Variants in TFEB observed in about 807,000 individuals in gnomAD.
TFEB encodes T-cell transcription factor EB.
Under a neutral mutation model 48.0 loss-of-function variants are expected in TFEB, and 12 were observed. The ratio of observed to expected loss-of-function variants is 0.25; its 90% confidence interval spans 0.16 to 0.40. The LOEUF is 0.40. Among genes scored for constraint, TFEB ranks in the 10% least tolerant of loss-of-function variants. The pLI, the probability that TFEB is intolerant of heterozygous loss-of-function variation, is 1.00. For synonymous variants in TFEB, 244 were observed against 261.4 expected, an observed-to-expected ratio of 0.93 and a Z score of 0.64; for missense variants, 509 against 640.3, an observed-to-expected ratio of 0.79 and a Z score of 2.21.
chr6:41,704,140 T>C lies in TFEB; in HGVS notation c.-22-12905A>G, dbSNP rs368083886. 1.2e-3 allele frequency among the ~76,000 whole-genome samples: 189 copies of C among 152,210 alleles called. 7 individuals are homozygous for C. In the South Asian group the frequency reaches 0.037, roughly 29 times the overall value. On this transcript the variant is annotated intron_variant, in intron 1 of 8. Coordinates refer to ENST00000373033, the MANE Select transcript of TFEB (RefSeq NM_001271944.2). ...CCCTCCTTCCCCTCAAGATATCCTT[T>C]CCATCCAAAACCACCCAGGACTACC...
intron 8 of TFEB, 151 bp from the exon 9 acceptor site, chr6:41,685,229 T>A: frequency 9.4e-7 from 1 of 1,066,378 alleles, no homozygotes; most frequent in Non-Finnish European, 1.2e-6. Context: ...AGGGTAGCTC[T>A]AGAGTCTAGA....
Position 41,684,641 on chromosome 6 carries a change from G to A in TFEB, c.1389C>T (p.Ser463=). 2 of 1,608,910 alleles carry A rather than the reference G, an allele frequency of 1.2e-6. No individual in the cohort carries two copies. The highest frequency in any genetic ancestry group is 2.2e-5 in the South Asian group (2 of 90,320). ...TMSPEASKAS[S]RRSSFSMEEG... ...CCTCCATGCTGAAGCTGCTCCGGCG[G>A]CTGCTGGCCTTGGAGGCCTCGGGGG... The change falls in exon 9 of 9, where the codon AGC becomes AGT. Residue 463 remains serine, a synonymous_variant. Transcript: ENST00000373033.
intron 7 of TFEB, chr6:41,686,487 A>T: frequency 2.9e-6 from 1 of 342,516 alleles, no homozygotes; most frequent in East Asian, 4.5e-5. Context: ...GACTACCAAG[A>T]CTCCAGCCCA....
intron 1 of TFEB, 83 bp downstream of exon 1, chr6:41,735,267 G>A: frequency 2.0e-6 from 2 of 975,942 alleles, no homozygotes; most frequent in Non-Finnish European, 2.4e-6. Flanking sequence ...ACCTGTCTCC[G>A]GGACCCACGG....
intron 4 of TFEB, chr6:41,688,245 G>A (rs945828374): frequency 3.8e-6 from 2 of 530,566 alleles, no homozygotes; most frequent in Non-Finnish European, 6.6e-6. Flanking sequence ...CTGGCCTAGA[G>A]TGTCTGAGAG....
rs767293001 is a variant in TFEB at position 41,690,840 on chromosome 6, G to A, written c.291C>T (p.Ser97=). The change falls in exon 3 of 9, where the codon TCC becomes TCT. Residue 97 remains serine, a synonymous_variant. Transcript: ENST00000373033. ...CAGCAAACTTGTTCCCATAGGTCTC[G>A]GACAGGTACTCCCGCACCTTCTGAT... ...SQHQKVREYL[S]ETYGNKFAAH... is the part of the protein sequence containing the mutation. The A allele has an allele frequency of 1.2e-5, 19 of 1,612,836 alleles. No homozygotes were observed. The highest frequency in any genetic ancestry group is 6.7e-5 in the African/African-American group (5 of 74,906).
chr6:41,688,148 C>T, intron 4 of TFEB, 120 bp from the exon 5 acceptor site: 1 of 1,285,952 alleles, frequency 7.8e-7, no homozygotes, highest in South Asian at 1.5e-5. Flanking sequence ...CAAAATTCAC[C>T]TTGGGCCCTT....
chr6:41,699,815 C>T (rs1469200179), intron 1 of TFEB, among the ~76,000 whole-genome samples: 5 of 152,334 alleles, frequency 3.3e-5, no homozygotes, highest in Admixed American at 2.0e-4. Flanking sequence ...CAATGGGACA[C>T]GCACATGCTT....
intron 1 of TFEB, among the ~76,000 whole-genome samples, chr6:41,703,271 TG>T (rs751457742): frequency 6.6e-6 from 1 of 152,226 alleles, no homozygotes; most frequent in Non-Finnish European, 1.5e-5. Context: ...GAGCAGCTTC[TG>T]GCTCCTGGTC....
rs1238997128 is a variant in TFEB at position 41,684,742 on chromosome 6, T to C, written c.1288A>G (p.Lys430Glu). 1 of 1,613,572 alleles carries C rather than the reference T, an allele frequency of 6.2e-7. No homozygotes were observed. The highest frequency in any genetic ancestry group is 2.2e-5 in the East Asian group (1 of 44,836). The stretch of plus-strand genomic sequence containing the variant: ...AGGAGCATGAGGTCCAGATCCTTCT[T>C]GGACAGGCTGGGGAATGGGGAGCCA... Reference protein sequence around the residue: ...GHGSPFPSLSKKDLDLMLLDD... With the variant: ...GHGSPFPSLSEKDLDLMLLDD... Residue 430 changes from lysine (K) to glutamate (E), a missense_variant, in exon 9 of 9, where the codon AAG becomes GAG. Physicochemically the swap from Lys to Glu is moderately conservative, Grantham distance 56 (BLOSUM62 1). This residue lies in a region of TFEB where 168 missense variants were observed against 161.0 expected (regional missense o/e 1.04). Coordinates refer to ENST00000373033, the MANE Select transcript of TFEB (RefSeq NM_001271944.2).
intron 1 of TFEB, among the ~76,000 whole-genome samples, chr6:41,693,155 C>G (rs960600738): frequency 3.3e-5 from 5 of 152,096 alleles, no homozygotes; most frequent in African/African-American, 1.2e-4. Context: ...GAGGCCCAGA[C>G]CTCAGGGGAT....
intron 1 of TFEB, among the ~76,000 whole-genome samples, chr6:41,721,313 A>G (rs60278016): frequency 0.043 from 6,584 of 151,948 alleles, 470 homozygotes; most frequent in African/African-American, 0.15. Flanking sequence ...ATGCAGTGGC[A>G]CCAAAGTTTT....
chr6:41,697,051 C>T (rs971589557), intron 1 of TFEB, among the ~76,000 whole-genome samples: 1 of 152,126 alleles, frequency 6.6e-6, no homozygotes, highest in African/African-American at 2.4e-5. Flanking sequence ...TGTACAGCTG[C>T]TCCCTTACAA....
rs1293946508 is a variant in TFEB at position 41,723,341 on chromosome 6, C to G, written c.-23+12009G>C. 4 of 617,862 alleles carry G rather than the reference C, an allele frequency of 6.5e-6. No homozygotes were observed. In the Admixed American group the frequency reaches 9.6e-5, roughly 15 times the overall value. The allele number at this position is 617,862 out of a possible 1,614,324, so 38.3% of individuals were successfully genotyped here. On this transcript the variant is annotated intron_variant, in intron 1 of 8. Coordinates refer to ENST00000373033, the MANE Select transcript of TFEB (RefSeq NM_001271944.2). This position sits in a 1 kb window ranked among gnomAD's most constrained non-coding sequence, Gnocchi z 6.0. ...CTACCCACCCACCTCCCCAAAGACA[C>G]CACACGCATGCACATACACTCACAC...
intron 1 of TFEB, chr6:41,735,032 G>A (rs1771620400): frequency 1.1e-5 from 11 of 985,194 alleles, no homozygotes; most frequent in African/African-American, 1.7e-5. Flanking sequence ...TCCCAGCTCC[G>A]GGCCGGGAAG....
Position 41,734,940 on chromosome 6 carries a change from C to G in TFEB, c.-23+410G>C. ...AGGCATCGCCGGCCCCAGCCGTGTC[C>G]GGTGGAGGGGGAGTGGGCGCGGGGC... is the stretch of plus-strand genomic sequence containing the variant. On this transcript the variant is annotated intron_variant, in intron 1 of 8. Coordinates refer to ENST00000373033, the MANE Select transcript of TFEB (RefSeq NM_001271944.2). This position sits in a 1 kb window ranked among gnomAD's most constrained non-coding sequence, Gnocchi z 4.0. 1 of 985,432 alleles carries G rather than the reference C, an allele frequency of 1.0e-6. No homozygotes were observed. The highest frequency in any genetic ancestry group is 1.2e-6 in the Non-Finnish European group (1 of 829,966). The allele number at this position is 985,432 out of a possible 1,614,324, so 61.0% of individuals were successfully genotyped here. A position where few individuals can be genotyped will look rare whatever the true frequency, so the allele number is the denominator to read the frequency against.
Position 41,690,760 on chromosome 6 carries a change from C to A in TFEB, c.371G>T (p.Gly124Val). ...SPKPPPAASP[G>V]VRAGHVLSSS... ...GGACAGCACGTGTCCAGCTCGCACC[C>A]CTGGGGAGGCGGCTGGTGGGGGTTT... The change falls in exon 3 of 9, where the codon GGG (glycine) becomes GTG (valine). Residue 124 changes from glycine (G) to valine (V), a missense_variant. Gly to Val is a moderately radical substitution (Grantham distance 109). Coordinates refer to ENST00000373033, the MANE Select transcript of TFEB (RefSeq NM_001271944.2). The A allele has an allele frequency of 2.5e-6, 4 of 1,610,162 alleles. No homozygotes were observed. Among genetic ancestry groups the A allele is most frequent in the Non-Finnish European group, 3.4e-6 (4 of 1,177,754 alleles).
At chr6:41,692,887 TA>T (rs1239837014) in intron 1 of TFEB, among the ~76,000 whole-genome samples, 1 of 152,130 alleles carries the variant, frequency 6.6e-6, no homozygotes, top group Non-Finnish European at 1.5e-5. Context: ...ACTGAGAAAA[TA>T]TGGGCTTGAA....
intron 1 of TFEB, among the ~76,000 whole-genome samples, chr6:41,694,426 G>A (rs527762658): frequency 6.6e-6 from 1 of 152,254 alleles, no homozygotes; most frequent in South Asian, 2.1e-4. Flanking sequence ...CGCTGGAGCT[G>A]TCACACCCAC....
Sources: allele counts gnomAD v4.1 joint callset (sites outside exome capture counted in the v4.1 genomes callset), GRCh38; gene constraint gnomAD v4.1.1; regional missense constraint gnomAD v4.1.1; non-coding constraint Gnocchi (gnomAD v3.1); transcripts MANE v1.5; gene names NCBI Gene and HGNC (gene_info 2026-07-23, HGNC 2026-07-21).